The following BRD3 variants were observed in gnomAD, a reference collection of about 807,000 sequenced individuals.
BRD3 encodes bromodomain-containing protein 3.
A neutral mutation model predicts 66.8 loss-of-function variants in BRD3; 17 were observed. The ratio of observed to expected loss-of-function variants is 0.25; its 90% confidence interval spans 0.17 to 0.38. The LOEUF is 0.38. Among genes scored for constraint, BRD3 ranks in the 10% least tolerant of loss-of-function variants. The pLI, the probability that BRD3 is intolerant of heterozygous loss-of-function variation, is 1.00. For missense variants in BRD3, 713 were observed against 956.1 expected (o/e 0.75, Z 3.35); for synonymous variants, 421 against 393.2 (o/e 1.07, Z -0.84).
At chr9:134,058,400 T>C (rs1830469524) in intron 1 of BRD3, 2 of 152,276 alleles carry the variant, frequency 1.3e-5, no homozygotes, top group Admixed American at 6.5e-5. Context: ...GCTGGCAGTG[T>C]TGGACATTCA....
rs900095448 is a variant in BRD3 at position 134,065,265 on chromosome 9, A to C, written c.-114+2680T>G. ...CAGTGAAACCCTGTCTCTACTAAAA[A>C]TACAAAAAATTAGCTGGGCGTGGTG... is the stretch of plus-strand genomic sequence containing the variant. On this transcript the variant is annotated intron_variant, in intron 1 of 11. Coordinates refer to ENST00000303407, the MANE Select transcript of BRD3 (RefSeq NM_007371.4). Among the ~76,000 whole-genome samples the C allele has an allele frequency of 6.2e-4, 94 of 152,188 alleles. 1 individual carries two copies. Among genetic ancestry groups the C allele is most frequent in the African/African-American group, 2.1e-3 (86 of 41,440 alleles).
At chr9:134,037,379 C>A (rs572190318) in intron 9 of BRD3, among the ~76,000 whole-genome samples, 1 of 152,220 alleles carries the variant, frequency 6.6e-6, no homozygotes, top group Admixed American at 6.5e-5. Context: ...CAAGACTAGC[C>A]TGGCCAAATG....
intron 1 of BRD3, among the ~76,000 whole-genome samples, chr9:134,062,087 G>A (rs1343264473): frequency 2.0e-5 from 3 of 152,208 alleles, no homozygotes; most frequent in Admixed American, 1.3e-4. Flanking sequence ...TGGAGCCAGG[G>A]GAGAAGTCGG....
At position 134,032,305 on chromosome 9, in the gene BRD3, G is replaced by A. The variant is rs1311156662; in HGVS notation, c.*1285C>T. 4 of 220,752 alleles carry A rather than the reference G, an allele frequency of 1.8e-5. No homozygotes were observed. The highest frequency in any genetic ancestry group is 3.6e-5 in the Non-Finnish European group (4 of 110,574). The allele number at this position is 220,752 out of a possible 1,614,324, so 13.7% of individuals were successfully genotyped here. On this transcript the variant is annotated 3_prime_UTR_variant, in exon 12 of 12. Transcript: ENST00000303407. Reference sequence around the variant, plus strand: ...TACAAAGTTTATATTATATAACTGGGGTTCCCTAAATTGATTTCTTTTAAA... The same window carrying A: ...TACAAAGTTTATATTATATAACTGGAGTTCCCTAAATTGATTTCTTTTAAA...
intron 5 of BRD3, among the ~76,000 whole-genome samples, chr9:134,050,011 G>A (rs1830256061): frequency 6.6e-6 from 1 of 152,218 alleles, no homozygotes; most frequent in African/African-American, 2.4e-5. Flanking sequence ...ACCCAGGTAG[G>A]TACAGCTGGC....
intron 4 of BRD3, among the ~76,000 whole-genome samples, chr9:134,051,120 A>C (rs1292844247): frequency 1.3e-5 from 2 of 152,208 alleles, no homozygotes; most frequent in Non-Finnish European, 2.9e-5. Flanking sequence ...TGACAGCAAG[A>C]CGCGGTCTTA....
chr9:134,057,487 T>C (rs1422715895), intron 1 of BRD3: 2 of 152,256 alleles, frequency 1.3e-5, no homozygotes, highest in African/African-American at 4.8e-5. Context: ...ACAGCACAGG[T>C]GGTCGGCCAG....
Position 134,032,101 on chromosome 9 carries a change from A to G in BRD3, c.*1489T>C, listed in dbSNP as rs1843519716. The G allele has an allele frequency of 4.6e-6, 1 of 218,054 alleles. No individual in the cohort carries two copies. The highest frequency in any genetic ancestry group is 9.2e-6 in the Non-Finnish European group (1 of 108,406). The allele number at this position is 218,054 out of a possible 1,614,324, so 13.5% of individuals were successfully genotyped here. ...GGCTAACTCTGGCATTCCTGGCCGG[A>G]GCCGCCATGCTCATTGGTGGGCCAG... is the stretch of plus-strand genomic sequence containing the variant. On this transcript the variant is annotated 3_prime_UTR_variant, in exon 12 of 12. Coordinates refer to ENST00000303407, the MANE Select transcript of BRD3 (RefSeq NM_007371.4).
chr9:134,041,851 C>T lies in BRD3; in HGVS notation c.1316G>A (p.Ser439Asn). The change falls in exon 8 of 12, where the codon AGC becomes AAC. Residue 439 changes from serine (S) to asparagine (N), a missense_variant. By Grantham distance (46) the Ser-to-Asn change is conservative (BLOSUM62 1). Around this residue, in one of 5 missense-constraint regions of BRD3, gnomAD observed 418 missense variants for 609.3 expected, o/e 0.69. Coordinates refer to ENST00000303407, the MANE Select transcript of BRD3 (RefSeq NM_007371.4). ...AAPMVSKGAE[S>N]SRSSEESSSD... ...AGAGCTCTCCTCACTGCTACGGCTGCTCTCAGCGCCCTTGCTCACCATGGG... is the reference window on the plus strand; with the variant it reads ...AGAGCTCTCCTCACTGCTACGGCTGTTCTCAGCGCCCTTGCTCACCATGGG... 6.2e-7 allele frequency: 1 copy of T among 1,612,998 alleles called. No homozygotes were observed. Among genetic ancestry groups the T allele is most frequent in the Non-Finnish European group, 8.5e-7 (1 of 1,179,816 alleles).
rs191120381 is a variant in BRD3, at chr9:134,040,636, T to C, written c.1408-367A>G. Among the ~76,000 whole-genome samples, 4 of 152,300 alleles carry C rather than the reference T, an allele frequency of 2.6e-5. No homozygotes were observed. The East Asian group carries it at 7.7e-4, about 29-fold the overall frequency. On this transcript the variant is annotated intron_variant, in intron 8 of 11. Transcript: ENST00000303407. Reference sequence around the variant, plus strand: ...TGCAGGTTTGTTACATAGGTATACATGTGCCACGGTAGTTTGCTGCACCCA... The same window carrying C: ...TGCAGGTTTGTTACATAGGTATACACGTGCCACGGTAGTTTGCTGCACCCA...
At chr9:134,066,298 G>C (rs980233840) in intron 1 of BRD3, among the ~76,000 whole-genome samples, 1 of 152,130 alleles carries the variant, frequency 6.6e-6, no homozygotes, top group Non-Finnish European at 1.5e-5. Flanking sequence ...TATCTTTCAT[G>C]ATCAGTAACC....
intron 9 of BRD3, among the ~76,000 whole-genome samples, chr9:134,037,596 A>T (rs964985332): frequency 6.6e-6 from 1 of 152,178 alleles, no homozygotes; most frequent in Non-Finnish European, 1.5e-5. Context: ...ATAAAAAATT[A>T]AAAAAAGGTT....
chr9:134,064,231 T>C (rs1410244377), intron 1 of BRD3, among the ~76,000 whole-genome samples: 2 of 152,132 alleles, frequency 1.3e-5, no homozygotes, highest in East Asian at 1.9e-4. Flanking sequence ...ACACTTTCTC[T>C]TTAAAAGAGC....
Position 134,052,518 on chromosome 9 carries a change from C to CTAGCTGGGATTACAGGTG in BRD3, c.214-76_214-75insCACCTGTAATCCCAGCTA. On this transcript the variant is annotated intron_variant, in intron 2 of 11. Transcript: ENST00000303407. The stretch of plus-strand genomic sequence containing the variant: ...TTTCACAATTCCCAAGTGGACACAG[C>CTAGCTGGGATTACAGGTG]CCGACCTTCCCAAGTGGACTGAGGA... The CTAGCTGGGATTACAGGTG allele has an allele frequency of 1.3e-6, 2 of 1,498,018 alleles. 1 individual carries two copies. 92.8% of individuals were successfully genotyped at this position (1,498,018 alleles called of 1,614,324 possible).
chr9:134,041,389 C>G (rs1830044098), intron 8 of BRD3, among the ~76,000 whole-genome samples: 1 of 152,194 alleles, frequency 6.6e-6, no homozygotes, highest in African/African-American at 2.4e-5. Flanking sequence ...AGCCTGCACC[C>G]CACCCCACTG....
rs776301756 is a variant in BRD3 at position 134,040,173 on chromosome 9, T to C, written c.1504A>G (p.Lys502Glu). Residue 502 changes from lysine (K) to glutamate (E), a missense_variant, in exon 9 of 12, where the codon AAG (lysine) becomes GAG (glutamate). This residue lies in a region of BRD3 where 418 missense variants were observed against 609.3 expected (regional missense o/e 0.69). Coordinates refer to ENST00000303407, the MANE Select transcript of BRD3 (RefSeq NM_007371.4). ...TTCTCCTTCTCCTTCTCCTTGTCCT[T>C]CTTCTTCTTCTCCTTCTCCTTCTTC... The part of the protein sequence containing the change: ...KEKKEKEKKK[K>E]DKEKEKEKHK... The C allele has an allele frequency of 3.8e-6, 6 of 1,562,578 alleles. No homozygotes were observed. Among genetic ancestry groups the C allele is most frequent in the South Asian group, 2.3e-5 (2 of 85,198 alleles).
rs34293853 is a variant in BRD3 at position 134,033,973 on chromosome 9, C to T, written c.2066-268G>A. 4.0e-3 allele frequency among the ~76,000 whole-genome samples: 610 copies of T among 152,344 alleles called. 2 individuals are homozygous for T. Among genetic ancestry groups the T allele is most frequent in the Middle Eastern group, 6.8e-3 (2 of 294 alleles). On this transcript the variant is annotated intron_variant, in intron 11 of 11. Coordinates refer to ENST00000303407, the MANE Select transcript of BRD3 (RefSeq NM_007371.4). This position sits in a 1 kb window ranked among gnomAD's most constrained non-coding sequence, Gnocchi z 5.1. ...GCCCATCAAAAACATCCACCAGTCACATGGCCACCAGCAGCGACAGGAACA... is the reference window on the plus strand; with the variant it reads ...GCCCATCAAAAACATCCACCAGTCATATGGCCACCAGCAGCGACAGGAACA...
At chr9:134,062,106 G>A (rs1396253284) in intron 1 of BRD3, among the ~76,000 whole-genome samples, 1 of 152,184 alleles carries the variant, frequency 6.6e-6, no homozygotes, top group Non-Finnish European at 1.5e-5. Flanking sequence ...GGGGGTTGGG[G>A]GCCCCCTGTA....
intron 4 of BRD3, 87 bp from the exon 5 acceptor site, chr9:134,050,675 G>A (rs1329058264): frequency 2.1e-5 from 24 of 1,124,180 alleles, no homozygotes; most frequent in Admixed American, 1.9e-4. Context: ...GCCAGAACAC[G>A]GGTACCAGCT....
Sources: allele counts gnomAD v4.1 joint callset (sites outside exome capture counted in the v4.1 genomes callset), GRCh38; gene constraint gnomAD v4.1.1; regional missense constraint gnomAD v4.1.1; non-coding constraint Gnocchi (gnomAD v3.1); transcripts MANE v1.5; gene names NCBI Gene and HGNC (gene_info 2026-07-23, HGNC 2026-07-21).